HEATR1: variants seen among roughly 807,000 people sequenced by gnomAD.
HEATR1 encodes HEAT repeat containing 1, also known as HEAT repeat-containing protein 1.
HEATR1 carries 77 observed loss-of-function variants against 248.2 expected under a neutral mutation model. That is an observed-to-expected ratio of 0.31 (90% CI 0.26 to 0.37). HEATR1 has a LOEUF of 0.37. Ranked by LOEUF, HEATR1 falls within the 10% of genes least tolerant of loss-of-function variation. The pLI is 1.00. For synonymous variants in HEATR1, 897 were observed against 923.1 expected (o/e 0.97, Z 0.51); for missense variants, 2,420 against 2,504.9 (o/e 0.97, Z 0.72).
chr1:236,566,154 T>C, intron 30 of HEATR1, 109 bp from the exon 31 acceptor site: 1 of 1,095,892 alleles, frequency 9.1e-7, no homozygotes, highest in Non-Finnish European at 1.3e-6. Context: ...TACTACTTTA[T>C]TTAGAGTGGG....
chr1:236,600,779 C>A (rs977655407), intron 3 of HEATR1, among the ~76,000 whole-genome samples: 3 of 152,178 alleles, frequency 2.0e-5, no homozygotes, highest in South Asian at 4.1e-4. Flanking sequence ...AAGTGACTGG[C>A]CTGCCTCAGC....
rs1445710379 is a variant in HEATR1, at chr1:236,555,321, C to T, written c.5898G>A (p.Leu1966=). 3.1e-6 allele frequency: 5 copies of T among 1,614,152 alleles called. No individual in the cohort carries two copies. Among genetic ancestry groups the T allele is most frequent in the Non-Finnish European group, 4.2e-6 (5 of 1,180,024 alleles). ...GHLVKPFADT[L]NQVNISKTDE... ...CTGTTTTGGAGATGTTCACCTGGTT[C>T]AAGGTGTCAGCAAAAGGCTTCACTA... The change falls in exon 41 of 45, where the codon TTG becomes TTA. Residue 1966 remains leucine (L), a synonymous_variant. Coordinates refer to ENST00000366582, the MANE Select transcript of HEATR1 (RefSeq NM_018072.6).
chr1:236,594,871 C>G lies in HEATR1; in HGVS notation c.1090+669G>C, dbSNP rs189294690. Among the ~76,000 whole-genome samples the G allele has an allele frequency of 4.3e-3, 662 of 152,228 alleles. 10 individuals are homozygous for G. Among genetic ancestry groups the G allele is most frequent in the African/African-American group, 0.015 (623 of 41,520 alleles). Reference sequence around the variant, plus strand: ...GAACTGCAGTGGCACAAACACAGTTCCCTGTAGCCTCGAACTCCCTGGACT... The same window carrying G: ...GAACTGCAGTGGCACAAACACAGTTGCCTGTAGCCTCGAACTCCCTGGACT... On this transcript the variant is annotated intron_variant, in intron 8 of 44. Transcript: ENST00000366582.
At chr1:236,581,161 C>T (rs141245294) in intron 20 of HEATR1, 61 bp downstream of exon 20, 81 of 1,387,874 alleles carry the variant, frequency 5.8e-5, no homozygotes, top group Non-Finnish European at 2.1e-5. Flanking sequence ...ACTACATAAA[C>T]CATATAGAGA....
At chr1:236,560,728 A>C (rs569797503) in intron 33 of HEATR1, among the ~76,000 whole-genome samples, 1 of 152,340 alleles carries the variant, frequency 6.6e-6, no homozygotes, top group South Asian at 2.1e-4. Flanking sequence ...AAATTCCTGC[A>C]CCCAAATATA....
intron 11 of HEATR1, 90 bp downstream of exon 11, chr1:236,591,903 G>GA: frequency 2.8e-6 from 2 of 721,826 alleles, no homozygotes; most frequent in South Asian, 2.3e-5. Flanking sequence ...CCACACAAGG[G>GA]AAAAAAGTGG....
At chr1:236,555,180 G>T in intron 41 of HEATR1, 116 bp downstream of exon 41, 1 of 1,069,840 alleles carries the variant, frequency 9.3e-7, no homozygotes. Flanking sequence ...ACCCTCCTTA[G>T]CTTAGGACTT....
rs753512337 is a variant in HEATR1, at chr1:236,582,729, C to T, written c.2562+7G>A. The T allele has an allele frequency of 1.9e-5, 30 of 1,613,980 alleles. No individual in the cohort carries two copies. Among genetic ancestry groups the T allele is most frequent in the Admixed American group, 3.3e-5 (2 of 59,996 alleles). On this transcript the variant is annotated splice_region_variant and intron_variant, in intron 19 of 44. Coordinates refer to ENST00000366582, the MANE Select transcript of HEATR1 (RefSeq NM_018072.6). ...TAGAGTACGCCTGAAAAGGAGGAGG[C>T]TTGTACCTTTATGAAAAGTTTCATC...
intron 9 of HEATR1, among the ~76,000 whole-genome samples, chr1:236,593,271 C>T (rs114325550): frequency 2.8e-4 from 43 of 151,832 alleles, no homozygotes; most frequent in African/African-American, 9.9e-4. Flanking sequence ...TAAAAGGCAA[C>T]ATTCAGTAAG....
chr1:236,558,554 A>C, intron 35 of HEATR1, 25 bp from the exon 36 acceptor site: 1 of 1,583,668 alleles, frequency 6.3e-7, no homozygotes, highest in Non-Finnish European at 8.6e-7. Context: ...CAGAATCCCC[A>C]AATCATTAAA....
rs146667999 is a variant in HEATR1, at chr1:236,596,871, T to C, written c.709A>G (p.Asn237Asp). The C allele has an allele frequency of 1.3e-4, 207 of 1,613,988 alleles. 2 individuals carry two copies. The South Asian group carries it at 1.9e-3, about 15-fold the overall frequency. Residue 237 changes from asparagine to aspartate, a missense_variant, in exon 6 of 45, where the codon AAT becomes GAT. By Grantham distance (23) the Asn-to-Asp change is conservative. Coordinates refer to ENST00000366582, the MANE Select transcript of HEATR1 (RefSeq NM_018072.6). ...ALVAAEDVSD[N>D]IIAKLFPYIQ... ...TAGGGAAATAGTTTGGCGATGATATTGTCTGATACGTCCTCTGCAGCTACC... is the reference window on the plus strand; with the variant it reads ...TAGGGAAATAGTTTGGCGATGATATCGTCTGATACGTCCTCTGCAGCTACC...
Position 236,581,310 on chromosome 1 carries a change from C to T in HEATR1, c.2667G>A (p.Leu889=), listed in dbSNP as rs1452492296. The T allele has an allele frequency of 6.2e-7, 1 of 1,613,434 alleles. No homozygotes were observed. The highest frequency in any genetic ancestry group is 8.5e-7 in the Non-Finnish European group (1 of 1,179,814). ...AGCCCACATAAAGAGCTTGAGTCTG[C>T]AGCACTGTTTTCACACTGCAGTTTA... ...NPLNCSVKTV[L]QTQALYVGCA... The change falls in exon 20 of 45, where the codon CTG becomes CTA. Residue 889 remains leucine, a synonymous_variant. Transcript: ENST00000366582.
rs1663561113 is a variant in HEATR1 at position 236,576,315 on chromosome 1, C to A, written c.2988G>T (p.Leu996Phe). 3.7e-6 allele frequency: 6 copies of A among 1,612,110 alleles called. No homozygotes were observed. The highest frequency in any genetic ancestry group is 5.1e-6 in the Non-Finnish European group (6 of 1,179,146). Residue 996 changes from leucine to phenylalanine, a missense_variant, in exon 22 of 45, where the codon TTG (leucine) becomes TTT (phenylalanine). By Grantham distance (22) the Leu-to-Phe change is conservative. Coordinates refer to ENST00000366582, the MANE Select transcript of HEATR1 (RefSeq NM_018072.6). ...TAAGTAAGTTTTTCAAAGTTTCAGA[C>A]AACTTCTGATGAGATTTCAGTTTCT... ...REKKLKSHQKLSETLKNLLSC... is the reference protein window; with the variant it reads ...REKKLKSHQKFSETLKNLLSC...
At chr1:236,591,700 C>T (rs1208973750) in intron 11 of HEATR1, among the ~76,000 whole-genome samples, 1 of 151,810 alleles carries the variant, frequency 6.6e-6, no homozygotes, top group Admixed American at 6.6e-5. Flanking sequence ...TAGAAACCTA[C>T]ATGAGGCCGT....
intron 31 of HEATR1, among the ~76,000 whole-genome samples, 189 bp from the exon 32 acceptor site, chr1:236,564,850 A>G (rs2799434): frequency 0.53 from 80,510 of 152,084 alleles, 24,791 homozygotes; most frequent in Non-Finnish European, 0.69. Context: ...TTTGCCAAGA[A>G]AGTACCCAGT....
rs761488184 is a variant in HEATR1 at position 236,550,947 on chromosome 1, C to T, written c.6390G>A (p.Gln2130=). ...GCTCTCCCAGGACAGTTTCCAGTTG[C>T]TGAATAGTCTTTTGGCACTGATGTT... ...EVEHQCQKTI[Q]QLETVLGEPL... is the part of the protein sequence containing the mutation. The change falls in exon 45 of 45, where the codon CAG becomes CAA. Residue 2130 remains glutamine (Q), a synonymous_variant. Coordinates refer to ENST00000366582, the MANE Select transcript of HEATR1 (RefSeq NM_018072.6). The T allele has an allele frequency of 1.0e-5, 16 of 1,604,566 alleles. No homozygotes were observed. The South Asian group carries it at 1.6e-4, about 16-fold the overall frequency.
At position 236,556,123 on chromosome 1, in the gene HEATR1, T is replaced by C; in HGVS notation, c.5491A>G (p.Lys1831Glu). The C allele has an allele frequency of 6.2e-7, 1 of 1,614,144 alleles. No homozygotes were observed. Among genetic ancestry groups the C allele is most frequent in the Non-Finnish European group, 8.5e-7 (1 of 1,180,032 alleles). ...VLLPAIKKTY[K>E]QIEKNWKNHM... ...ACCTTCCAGTTCTTCTCAATCTGCT[T>C]GTAAGTTTTTTTGATGGCGGGCAAC... The change falls in exon 38 of 45, where the codon AAG becomes GAG. Residue 1831 changes from lysine to glutamate, a missense_variant. Lys to Glu is a moderately conservative substitution (Grantham distance 56). Transcript: ENST00000366582.
Position 236,571,587 on chromosome 1 carries a change from A to G in HEATR1, c.3807T>C (p.Asp1269=). 6.2e-7 allele frequency: 1 copy of G among 1,614,054 alleles called. No individual in the cohort carries two copies. The highest frequency in any genetic ancestry group is 8.5e-7 in the Non-Finnish European group (1 of 1,179,904). ...ACCTACCTTTGGGTATTTTGCCACC[A>G]TCTGGAGATAGTTTTTGGCAGATGT... is the stretch of plus-strand genomic sequence containing the variant. ...LLNICQKLSP[D]GGKIPKDILD... is the part of the protein sequence containing the mutation. The change falls in exon 27 of 45, where the codon GAT becomes GAC. Residue 1269 remains aspartate, a synonymous_variant. Transcript: ENST00000366582.
In HEATR1 at chr1:236,569,038, A is replaced by G. The variant is rs1428228938; in HGVS notation, c.4035T>C (p.Val1345=). ...MRLDDTYSFQ[V]INKTVKMVIP... ...TAACCATTTTCACTGTCTTGTTAAT[A>G]ACTTGAAAACTGTAAGTATCATCTA... Residue 1345 remains valine, a synonymous_variant, in exon 29 of 45, where the codon GTT becomes GTC. Coordinates refer to ENST00000366582, the MANE Select transcript of HEATR1 (RefSeq NM_018072.6). 1.2e-6 allele frequency: 2 copies of G among 1,610,256 alleles called. No individual in the cohort carries two copies. Among genetic ancestry groups the G allele is most frequent in the South Asian group, 1.1e-5 (1 of 90,290 alleles).
Sources: allele counts gnomAD v4.1 joint callset (sites outside exome capture counted in the v4.1 genomes callset), GRCh38; gene constraint gnomAD v4.1.1; transcripts MANE v1.5; gene names NCBI Gene and HGNC (gene_info 2026-07-23, HGNC 2026-07-21).